Variants in SLC25A38 observed in about 807,000 individuals in gnomAD.
The protein encoded by SLC25A38 is mitochondrial glycine transporter.
Under a neutral mutation model 33.4 loss-of-function variants are expected in SLC25A38, and 27 were observed. The observed-to-expected ratio is 0.81, with a 90% CI of 0.60 to 1.11. The LOEUF is 1.11. Ranked by LOEUF, SLC25A38 falls within the 50% of genes most tolerant of loss-of-function variation. The pLI is 0.00. For synonymous variants in SLC25A38, 123 were observed against 145.9 expected (o/e 0.84, Z 1.13); for missense variants, 344 against 388.8 (o/e 0.88, Z 0.97).
At chr3:39,385,597 C>T (rs889611265) in intron 1 of SLC25A38, among the ~76,000 whole-genome samples, 2 of 152,078 alleles carry the variant, frequency 1.3e-5, no homozygotes, top group Non-Finnish European at 1.5e-5. Flanking sequence ...CATGCAGGGC[C>T]CACCGAGCCC....
chr3:39,386,178 CT>C (rs369767081), intron 1 of SLC25A38, among the ~76,000 whole-genome samples: 1,937 of 151,466 alleles, frequency 0.013, 43 homozygotes, highest in African/African-American at 0.044. Context: ...TTTATTCCAT[CT>C]TTTTTTTTGG....
At position 39,396,635 on chromosome 3, in the gene SLC25A38, A is replaced by G; in HGVS notation, c.*115A>G. On this transcript the variant is annotated 3_prime_UTR_variant, in exon 7 of 7. Transcript: ENST00000650617. ...AGTCCTACCTGGAAAACCAGGCAGA[A>G]ATTGTGTTGCCTTTGCCTTCAGTAA... 1.3e-6 allele frequency: 2 copies of G among 1,565,958 alleles called. No homozygotes were observed. The highest frequency in any genetic ancestry group is 8.8e-7 in the Non-Finnish European group (1 of 1,142,690).
chr3:39,390,522 G>A lies in SLC25A38; in HGVS notation c.276+15G>A. 6.2e-7 allele frequency: 1 copy of A among 1,613,530 alleles called. No individual in the cohort carries two copies. Among genetic ancestry groups the A allele is most frequent in the Non-Finnish European group, 8.5e-7 (1 of 1,179,506 alleles). ...GGATGTCCCCTGTAAGCTGCCATCT[G>A]GGTCTAGGTTCCCTAGCATCCACTC... On this transcript the variant is annotated intron_variant, in intron 3 of 6. Transcript: ENST00000650617.
intron 1 of SLC25A38, among the ~76,000 whole-genome samples, chr3:39,388,172 G>C (rs1480434262): frequency 6.6e-6 from 1 of 152,164 alleles, no homozygotes; most frequent in Non-Finnish European, 1.5e-5. Flanking sequence ...TGAGAATATT[G>C]GTTGGCAGAA....
chr3:39,389,294 C>T lies in SLC25A38; in HGVS notation c.70-201C>T. ...ATACGAAGACCAGAGATACCTCTTG[C>T]AGCATCCAATGTCCTCAATAACATT... is the stretch of plus-strand genomic sequence containing the variant. On this transcript the variant is annotated intron_variant, in intron 1 of 6. Coordinates refer to ENST00000650617, the MANE Select transcript of SLC25A38 (RefSeq NM_017875.4). This position sits in a 1 kb window ranked among gnomAD's most constrained non-coding sequence, Gnocchi z 4.5. 1.1e-5 allele frequency: 9 copies of T among 806,902 alleles called. No individual in the cohort carries two copies. Among genetic ancestry groups the T allele is most frequent in the Non-Finnish European group, 1.7e-5 (8 of 478,038 alleles). 50.0% of individuals were successfully genotyped at this position (806,902 alleles called of 1,614,324 possible).
intron 4 of SLC25A38, 88 bp from the exon 5 acceptor site, chr3:39,391,765 G>C: frequency 6.2e-7 from 1 of 1,603,428 alleles, no homozygotes; most frequent in Non-Finnish European, 8.5e-7. Flanking sequence ...TAGATCCCAT[G>C]GTAATGCCCC....
chr3:39,394,695 C>G, intron 6 of SLC25A38, 119 bp downstream of exon 6: 1 of 1,243,028 alleles, frequency 8.0e-7, no homozygotes, highest in Non-Finnish European at 1.1e-6. Flanking sequence ...ATCCCCATGC[C>G]CAGGTTAAAA....
chr3:39,388,193 CCT>C (rs966750437), intron 1 of SLC25A38, among the ~76,000 whole-genome samples: 5 of 152,144 alleles, frequency 3.3e-5, no homozygotes, highest in African/African-American at 1.2e-4. Context: ...GAGCAGGACA[CCT>C]CTTGGGGAGA....
Position 39,391,943 on chromosome 3 carries a change from G to C in SLC25A38, c.547G>C (p.Ala183Pro). 6.2e-7 allele frequency: 1 copy of C among 1,614,210 alleles called. No individual in the cohort carries two copies. ...CCGGGGCCTCTTCAGTGGCCTGACAGCAACTCTCCTTCGAGATGCGCCCTT... is the reference window on the plus strand; with the variant it reads ...CCGGGGCCTCTTCAGTGGCCTGACACCAACTCTCCTTCGAGATGCGCCCTT... ...GHRGLFSGLT[A>P]TLLRDAPFSG... Residue 183 changes from alanine (A) to proline (P), a missense_variant, in exon 5 of 7, where the codon GCA becomes CCA. By Grantham distance (27) the Ala-to-Pro change is conservative. Transcript: ENST00000650617.
chr3:39,388,871 T>C (rs1393979868), intron 1 of SLC25A38, among the ~76,000 whole-genome samples: 1 of 152,100 alleles, frequency 6.6e-6, no homozygotes, highest in African/African-American at 2.4e-5. Context: ...GATTAGCCAG[T>C]GTATATGACG....
At position 39,391,568 on chromosome 3, in the gene SLC25A38, C is replaced by T; in HGVS notation, c.404C>T (p.Ser135Phe). The change falls in exon 4 of 7, where the codon TCT becomes TTT. Residue 135 changes from serine to phenylalanine, a missense_variant. Physicochemically the swap from Ser to Phe is radical, Grantham distance 155. Around this residue, in one of 2 missense-constraint regions of SLC25A38, gnomAD observed 269 missense variants for 271.8 expected, o/e 0.99. Transcript: ENST00000650617. Reference sequence around the variant, plus strand: ...GTCATGCTGGGGGTGGGCTCTCGCTCTGTTGCAGGGGTCTGTATGTCACCT... The same window carrying T: ...GTCATGCTGGGGGTGGGCTCTCGCTTTGTTGCAGGGGTCTGTATGTCACCT... ...ESVMLGVGSR[S>F]VAGVCMSPIT... The T allele has an allele frequency of 1.9e-6, 3 of 1,614,194 alleles. No homozygotes were observed. Among genetic ancestry groups the T allele is most frequent in the South Asian group, 1.1e-5 (1 of 91,080 alleles).
intron 1 of SLC25A38, among the ~76,000 whole-genome samples, chr3:39,388,635 A>G (rs940043450): frequency 6.6e-6 from 1 of 152,120 alleles, no homozygotes; most frequent in African/African-American, 2.4e-5. Context: ...GAAGATAGCT[A>G]TTTGTTTATT....
At chr3:39,383,875 G>A (rs2041676401) in intron 1 of SLC25A38, 82 bp downstream of exon 1, 1 of 1,510,886 alleles carries the variant, frequency 6.6e-7, no homozygotes, top group Middle Eastern at 1.7e-4. Context: ...CTAAGGCTCG[G>A]CTACCCTTTT....
At chr3:39,390,575 C>A in intron 3 of SLC25A38, 68 bp downstream of exon 3, 1 of 1,469,616 alleles carries the variant, frequency 6.8e-7, no homozygotes, top group Non-Finnish European at 9.5e-7. Flanking sequence ...TCTCATCTAC[C>A]TTACCAGCTC....
intron 3 of SLC25A38, 107 bp downstream of exon 3, chr3:39,390,614 G>A: frequency 8.8e-7 from 1 of 1,135,880 alleles, no homozygotes; most frequent in Non-Finnish European, 1.3e-6. Context: ...CAGAAGTGGT[G>A]GGAGTACCTA....
intron 1 of SLC25A38, 71 bp downstream of exon 1, chr3:39,383,864 G>T: frequency 2.6e-6 from 4 of 1,558,104 alleles, no homozygotes; most frequent in Non-Finnish European, 3.5e-6. Context: ...TCGGGGCGTT[G>T]CTAAGGCTCG....
In SLC25A38 at chr3:39,394,516, T is replaced by C. The variant is rs1249984630; in HGVS notation, c.732T>C (p.His244=). ...AACCTGCGGATGTTATCAAAACTCA[T>C]ATGCAGCTTTATCCACTGAAGTTTC... ...VTQPADVIKT[H]MQLYPLKFQW... The change falls in exon 6 of 7, where the codon CAT becomes CAC. Residue 244 remains histidine, a synonymous_variant. Transcript: ENST00000650617. 2 of 1,614,068 alleles carry C rather than the reference T, an allele frequency of 1.2e-6. No individual in the cohort carries two copies. Among genetic ancestry groups the C allele is most frequent in the African/African-American group, 1.3e-5 (1 of 74,938 alleles).
Position 39,389,639 on chromosome 3 carries a change from G to T in SLC25A38, c.191+23G>T. The T allele has an allele frequency of 6.2e-7, 1 of 1,614,128 alleles. No homozygotes were observed. Among genetic ancestry groups the T allele is most frequent in the South Asian group, 1.1e-5 (1 of 91,062 alleles). On this transcript the variant is annotated intron_variant, in intron 2 of 6. Transcript: ENST00000650617. This position sits in a 1 kb window ranked among gnomAD's most constrained non-coding sequence, Gnocchi z 4.5. ...TGGGTAGGCCCTGCATTTCATTGGG[G>T]AACTGATTTCAGCAACTTCTCAGAC...
At position 39,391,612 on chromosome 3, in the gene SLC25A38, C is replaced by G; in HGVS notation, c.448C>G (p.Arg150Gly). The change falls in exon 4 of 7, where the codon CGC (arginine) becomes GGC (glycine). Residue 150 changes from arginine (R) to glycine (G), a missense_variant. Coordinates refer to ENST00000650617, the MANE Select transcript of SLC25A38 (RefSeq NM_017875.4). ...GTCACCTATCACTGTAATCAAGACG[C>G]GCTATGAGGTGAGTTCAACCACTTT... ...CMSPITVIKT[R>G]YESGKYGYES... 4 of 1,614,192 alleles carry G rather than the reference C, an allele frequency of 2.5e-6. No homozygotes were observed. The highest frequency in any genetic ancestry group is 3.4e-6 in the Non-Finnish European group (4 of 1,180,028).
Sources: allele counts gnomAD v4.1 joint callset (sites outside exome capture counted in the v4.1 genomes callset), GRCh38; gene constraint gnomAD v4.1.1; regional missense constraint gnomAD v4.1.1; non-coding constraint Gnocchi (gnomAD v3.1); transcripts MANE v1.5; gene names NCBI Gene and HGNC (gene_info 2026-07-23, HGNC 2026-07-21).